LGALS13: variants seen among roughly 807,000 people sequenced by gnomAD.
LGALS13 encodes galactoside-binding soluble lectin 13.
In LGALS13, 11 loss-of-function variants were observed where a neutral mutation model predicts 13.2. The observed-to-expected ratio is 0.83, with a 90% CI of 0.52 to 1.38. The LOEUF is 1.38. LGALS13 is among the 40% of genes most tolerant of loss of function. The pLI is 0.00. For missense variants in LGALS13, 183 were observed against 174.3 expected (o/e 1.05, Z -0.28); for synonymous variants, 71 against 63.7 (o/e 1.11, Z -0.54).
chr19:39,604,245 C>T (rs986232508), intron 1 of LGALS13, among the ~76,000 whole-genome samples: 1 of 152,262 alleles, frequency 6.6e-6, no homozygotes, highest in South Asian at 2.1e-4. Context: ...TAGGGTAACA[C>T]TTTTACATGT....
At chr19:39,605,651 C>G (rs1972677379) in intron 3 of LGALS13, among the ~76,000 whole-genome samples, 1 of 151,848 alleles carries the variant, frequency 6.6e-6, no homozygotes, top group South Asian at 2.1e-4. Context: ...CTCATTTCTA[C>G]TTATGCCATT....
Position 39,607,243 on chromosome 19 carries a change from C to A in LGALS13, c.324C>A (p.Arg108=). ...TGTAGATAAAGGTCAATGGCATACG[C>A]ATTTACGGCTTTGTCCATCGAATCC... The part of the protein sequence containing the change: ...NEYEIKVNGI[R]IYGFVHRIPP... Residue 108 remains arginine, a synonymous_variant, in exon 4 of 4, where the codon CGC becomes CGA. Coordinates refer to ENST00000221797, the MANE Select transcript of LGALS13 (RefSeq NM_013268.3). 1 of 1,613,946 alleles carries A rather than the reference C, an allele frequency of 6.2e-7. No individual in the cohort carries two copies.
chr19:39,607,463 C>A lies in LGALS13; in HGVS notation c.*124C>A. On this transcript the variant is annotated 3_prime_UTR_variant, in exon 4 of 4. Coordinates refer to ENST00000221797, the MANE Select transcript of LGALS13 (RefSeq NM_013268.3). Reference sequence around the variant, plus strand: ...CCCCTACACTTTGTCATTAAAACAGCACGAAAACTCACATGATTTGGTTCT... The same window carrying A: ...CCCCTACACTTTGTCATTAAAACAGAACGAAAACTCACATGATTTGGTTCT... 2.8e-6 allele frequency: 2 copies of A among 717,976 alleles called. No homozygotes were observed. The highest frequency in any genetic ancestry group is 1.5e-5 in the South Asian group (1 of 65,840). The allele number at this position is 717,976 out of a possible 1,614,324, so 44.5% of individuals were successfully genotyped here. A position where few individuals can be genotyped will look rare whatever the true frequency, so the allele number is the denominator to read the frequency against.
At position 39,607,466 on chromosome 19, in the gene LGALS13, G is replaced by GA. The variant is rs1972710689; in HGVS notation, c.*131dup. 1 of 718,936 alleles carries GA rather than the reference G, an allele frequency of 1.4e-6. No homozygotes were observed. The highest frequency in any genetic ancestry group is 2.0e-5 in the Admixed American group (1 of 49,662). 44.5% of individuals were successfully genotyped at this position (718,936 alleles called of 1,614,324 possible). A position where few individuals can be genotyped will look rare whatever the true frequency, so the allele number is the denominator to read the frequency against. On this transcript the variant is annotated 3_prime_UTR_variant, in exon 4 of 4. Transcript: ENST00000221797. ...CTACACTTTGTCATTAAAACAGCAC[G>GA]AAAACTCACATGATTTGGTTCTTGC...
In LGALS13 at chr19:39,604,365, C is replaced by T. The variant is rs78115469; in HGVS notation, c.16-237C>T. ...AAGTAGCAAATCTAAGACTGCACTG[C>T]TAGTAAAAGGCAGAATGAGGACTGG... On this transcript the variant is annotated intron_variant, in intron 1 of 3. Transcript: ENST00000221797. Among the ~76,000 whole-genome samples the T allele has an allele frequency of 4.0e-3, 611 of 152,226 alleles. 9 individuals are homozygous for T. The highest frequency in any genetic ancestry group is 0.014 in the African/African-American group (587 of 41,538).
rs1391900245 is a variant in LGALS13, at chr19:39,607,453, A to C, written c.*114A>C. 2 of 766,658 alleles carry C rather than the reference A, an allele frequency of 2.6e-6. No individual in the cohort carries two copies. The highest frequency in any genetic ancestry group is 4.6e-6 in the Non-Finnish European group (2 of 432,164). 47.5% of individuals were successfully genotyped at this position (766,658 alleles called of 1,614,324 possible). On this transcript the variant is annotated 3_prime_UTR_variant, in exon 4 of 4. Coordinates refer to ENST00000221797, the MANE Select transcript of LGALS13 (RefSeq NM_013268.3). ...CTCACATTTTCCCCTACACTTTGTCATTAAAACAGCACGAAAACTCACATG... is the reference window on the plus strand; with the variant it reads ...CTCACATTTTCCCCTACACTTTGTCCTTAAAACAGCACGAAAACTCACATG...
Position 39,605,162 on chromosome 19 carries a change from C to T in LGALS13, c.93-16C>T, listed in dbSNP as rs746598198. 45 of 1,606,806 alleles carry T rather than the reference C, an allele frequency of 2.8e-5. No individual in the cohort carries two copies. Among genetic ancestry groups the T allele is most frequent in the South Asian group, 9.9e-5 (9 of 90,816 alleles). On this transcript the variant is annotated splice_polypyrimidine_tract_variant and intron_variant, in intron 2 of 3. Transcript: ENST00000221797. ...AGGGAGGGACCTGCCCAACATTCTG[C>T]GTGCTTCACCCTCAGCAATGACCCA...
At chr19:39,605,764 A>G (rs955223615) in intron 3 of LGALS13, among the ~76,000 whole-genome samples, 1 of 152,092 alleles carries the variant, frequency 6.6e-6, no homozygotes, top group South Asian at 2.1e-4. Context: ...TCTTTGTCTC[A>G]TTTTGGGGCC....
In LGALS13 at chr19:39,607,444, C is replaced by T; in HGVS notation, c.*105C>T. On this transcript the variant is annotated 3_prime_UTR_variant, in exon 4 of 4. Transcript: ENST00000221797. ...TAATCCCTGCTCACATTTTCCCCTA[C>T]ACTTTGTCATTAAAACAGCACGAAA... The T allele has an allele frequency of 2.5e-6, 2 of 806,926 alleles. No homozygotes were observed. Among genetic ancestry groups the T allele is most frequent in the East Asian group, 5.0e-5 (2 of 40,038 alleles). The allele number at this position is 806,926 out of a possible 1,614,324, so 50.0% of individuals were successfully genotyped here.
At chr19:39,602,643 G>T in intron 1 of LGALS13, 60 bp downstream of exon 1, 10 of 1,541,836 alleles carry the variant, frequency 6.5e-6, no homozygotes, top group Non-Finnish European at 9.0e-6. Context: ...GAAAGAAATG[G>T]GAGATTTTAT....
chr19:39,602,691 A>C, intron 1 of LGALS13, 108 bp downstream of exon 1: 1 of 1,078,656 alleles, frequency 9.3e-7, no homozygotes, highest in Non-Finnish European at 1.4e-6. Flanking sequence ...TGAATGCTTT[A>C]CTTAGAGCTA....
At chr19:39,604,873 CAGG>C (rs1462869772) in intron 2 of LGALS13, among the ~76,000 whole-genome samples, 195 bp downstream of exon 2, 1 of 152,192 alleles carries the variant, frequency 6.6e-6, no homozygotes, top group African/African-American at 2.4e-5. Flanking sequence ...ATGGGGCCTA[CAGG>C]AGGAGAACAC....
chr19:39,606,405 A>G (rs1972689328), intron 3 of LGALS13, among the ~76,000 whole-genome samples: 1 of 152,132 alleles, frequency 6.6e-6, no homozygotes, highest in Non-Finnish European at 1.5e-5. Flanking sequence ...TCCTTCCAGT[A>G]TTTTGCTCTC....
At chr19:39,605,110 T>G in intron 2 of LGALS13, 68 bp from the exon 3 acceptor site, 1 of 1,274,158 alleles carries the variant, frequency 7.8e-7, no homozygotes, top group Non-Finnish European at 1.1e-6. Context: ...AAGGGATTTG[T>G]GTGTGTGTCG....
chr19:39,604,209 T>C (rs28445525), intron 1 of LGALS13, among the ~76,000 whole-genome samples: 6,535 of 152,266 alleles, frequency 0.043, 416 homozygotes, highest in African/African-American at 0.14. Flanking sequence ...TAGGTCACCC[T>C]AAGAGGCCCT....
At chr19:39,606,402 A>G (rs1189380201) in intron 3 of LGALS13, among the ~76,000 whole-genome samples, 2 of 152,204 alleles carry the variant, frequency 1.3e-5, no homozygotes, top group African/African-American at 2.4e-5. Context: ...ATTTCCTTCC[A>G]GTATTTTGCT....
chr19:39,603,552 G>C (rs1216841433), intron 1 of LGALS13, among the ~76,000 whole-genome samples: 2 of 151,802 alleles, frequency 1.3e-5, no homozygotes, highest in Non-Finnish European at 2.9e-5. Flanking sequence ...GCTTACAGTG[G>C]ATATTAATCA....
At position 39,604,686 on chromosome 19, in the gene LGALS13, C is replaced by G; in HGVS notation, c.92+8C>G. 1.2e-6 allele frequency: 2 copies of G among 1,613,950 alleles called. No individual in the cohort carries two copies. The highest frequency in any genetic ancestry group is 2.7e-5 in the African/African-American group (2 of 75,038). On this transcript the variant is annotated splice_region_variant and intron_variant, in intron 2 of 3. Coordinates refer to ENST00000221797, the MANE Select transcript of LGALS13 (RefSeq NM_013268.3). ...ACCAATCCACTCTTTTATGTGAGTACTCCATGGTCCAATGGAGGGGTTGGA... is the reference window on the plus strand; with the variant it reads ...ACCAATCCACTCTTTTATGTGAGTAGTCCATGGTCCAATGGAGGGGTTGGA...
At chr19:39,606,800 C>A (rs894706322) in intron 3 of LGALS13, among the ~76,000 whole-genome samples, 23 of 152,210 alleles carry the variant, frequency 1.5e-4, no homozygotes, top group African/African-American at 5.3e-4. Context: ...CAAAGAGAAA[C>A]TGTGCCATCA....
Sources: allele counts gnomAD v4.1 joint callset (sites outside exome capture counted in the v4.1 genomes callset), GRCh38; gene constraint gnomAD v4.1.1; transcripts MANE v1.5; gene names NCBI Gene and HGNC (gene_info 2026-07-23, HGNC 2026-07-21).